The following XPR1 variants were observed in gnomAD, a reference collection of about 807,000 sequenced individuals.
XPR1 encodes the protein xenotropic and polytropic retrovirus receptor 1.
In XPR1, 28 loss-of-function variants were observed where a neutral mutation model predicts 87.5. The ratio of observed to expected loss-of-function variants is 0.32; its 90% CI spans 0.24 to 0.44. The LOEUF (loss-of-function observed/expected upper bound fraction) is 0.44. Ranked by LOEUF, XPR1 falls within the 20% of genes least tolerant of loss-of-function variation. The pLI, the probability that XPR1 is intolerant of heterozygous loss-of-function variation, is 1.00. For missense variants in XPR1, 559 were observed against 862.3 expected, an observed-to-expected ratio of 0.65 and a Z score of 4.41; for synonymous variants, 300 against 306.1, an observed-to-expected ratio of 0.98 and a Z score of 0.21.
intron 14 of XPR1, among the ~76,000 whole-genome samples, 176 bp downstream of exon 14, chr1:180,880,473 C>T (rs1652816988): frequency 6.6e-6 from 1 of 152,196 alleles, no homozygotes. Flanking sequence ...CTATGACTGT[C>T]TAAATGAGCA....
chr1:180,797,006 G>T (rs940097791), intron 3 of XPR1, among the ~76,000 whole-genome samples: 1 of 152,104 alleles, frequency 6.6e-6, no homozygotes, highest in Non-Finnish European at 1.5e-5. Context: ...CCTGGGGTAG[G>T]GGGTGGAAGT....
intron 9 of XPR1, among the ~76,000 whole-genome samples, chr1:180,834,571 C>G (rs147697568): frequency 6.6e-6 from 1 of 152,178 alleles, no homozygotes; most frequent in Non-Finnish European, 1.5e-5. Context: ...AGTGGCATCT[C>G]CCTGATCCCT....
At chr1:180,636,767 G>C (rs1654789532) in intron 1 of XPR1, among the ~76,000 whole-genome samples, 2 of 152,044 alleles carry the variant, frequency 1.3e-5, no homozygotes, top group East Asian at 3.9e-4. Context: ...AGAAAAGTAA[G>C]GGGGCTGGAC....
intron 3 of XPR1, among the ~76,000 whole-genome samples, chr1:180,800,715 T>C (rs1649749577): frequency 6.6e-6 from 1 of 152,224 alleles, no homozygotes; most frequent in Non-Finnish European, 1.5e-5. Flanking sequence ...AGTCTGGATA[T>C]TTCCTTTTCC....
intron 2 of XPR1, among the ~76,000 whole-genome samples, chr1:180,741,423 C>A (rs1658921237): frequency 6.6e-6 from 1 of 151,864 alleles, no homozygotes; most frequent in South Asian, 2.1e-4. Flanking sequence ...CCTTCGGCCT[C>A]CCAAAAGGCT....
At chr1:180,781,150 C>T (rs970896517) in intron 2 of XPR1, among the ~76,000 whole-genome samples, 6 of 151,456 alleles carry the variant, frequency 4.0e-5, no homozygotes, top group African/African-American at 1.5e-4. Flanking sequence ...TGTGACTATC[C>T]AATTGTTGGA....
chr1:180,863,205 A>T (rs1016420760), intron 11 of XPR1, among the ~76,000 whole-genome samples: 6 of 152,112 alleles, frequency 3.9e-5, no homozygotes, highest in Admixed American at 3.3e-4. Flanking sequence ...CGGGCATTTT[A>T]TCTAGACTTA....
chr1:180,783,719 A>G (rs541303843), intron 2 of XPR1, among the ~76,000 whole-genome samples: 165 of 151,878 alleles, frequency 1.1e-3, no homozygotes, highest in African/African-American at 3.8e-3. Flanking sequence ...GTACTTAACC[A>G]CTCCCCTTTT....
chr1:180,774,349 T>C (rs1236715817), intron 2 of XPR1, among the ~76,000 whole-genome samples: 1 of 150,898 alleles, frequency 6.6e-6, no homozygotes, highest in Non-Finnish European at 1.5e-5. Flanking sequence ...GATTTTTTAA[T>C]ACTTTTTTTA....
At chr1:180,765,691 G>A (rs568823574) in intron 2 of XPR1, among the ~76,000 whole-genome samples, 1 of 152,216 alleles carries the variant, frequency 6.6e-6, no homozygotes, top group East Asian at 1.9e-4. Context: ...TAAATACTAT[G>A]TAAATAGTTG....
At chr1:180,754,751 C>T (rs1257906255) in intron 2 of XPR1, among the ~76,000 whole-genome samples, 9 of 152,240 alleles carry the variant, frequency 5.9e-5, no homozygotes, top group Admixed American at 1.3e-4. Flanking sequence ...TGTGAGCCAT[C>T]GGGCCCGGCC....
chr1:180,886,970 G>C lies in XPR1; in HGVS notation c.*2904G>C, dbSNP rs746490396. On this transcript the variant is annotated 3_prime_UTR_variant, in exon 15 of 15. Transcript: ENST00000367590. ...GGGCAGATCACGAGCTCAGGAGTTC[G>C]AGACCAGCCTGACCAACATGGTGAA... is the stretch of plus-strand genomic sequence containing the variant. 2.6e-5 allele frequency: 4 copies of C among 152,246 alleles called. No individual in the cohort carries two copies. Among genetic ancestry groups the C allele is most frequent in the African/African-American group, 9.7e-5 (4 of 41,436 alleles). The allele number at this position is 152,246 out of a possible 1,614,324, so 9.4% of individuals were successfully genotyped here. A position where few individuals can be genotyped will look rare whatever the true frequency, so the allele number is the denominator to read the frequency against.
At chr1:180,730,738 A>G (rs1164774169) in intron 2 of XPR1, among the ~76,000 whole-genome samples, 1 of 152,090 alleles carries the variant, frequency 6.6e-6, no homozygotes, top group African/African-American at 2.4e-5. Context: ...ATCACAGCTC[A>G]CAGCAGCCTT....
intron 11 of XPR1, among the ~76,000 whole-genome samples, chr1:180,844,240 A>G (rs1651608185): frequency 6.6e-6 from 1 of 152,192 alleles, no homozygotes; most frequent in Non-Finnish European, 1.5e-5. Flanking sequence ...AAAATTTTTT[A>G]TACAGGAGTT....
chr1:180,842,609 G>A (rs1456815740), intron 11 of XPR1, among the ~76,000 whole-genome samples: 1 of 152,146 alleles, frequency 6.6e-6, no homozygotes. Flanking sequence ...CAAGTGTTTT[G>A]TTGGAATTGG....
chr1:180,793,246 A>G (rs945107110), intron 3 of XPR1, among the ~76,000 whole-genome samples: 2 of 152,114 alleles, frequency 1.3e-5, no homozygotes, highest in African/African-American at 2.4e-5. Context: ...CTTATTATAT[A>G]GTTATTCCTG....
At chr1:180,794,225 G>A (rs1010731932) in intron 3 of XPR1, among the ~76,000 whole-genome samples, 1 of 152,088 alleles carries the variant, frequency 6.6e-6, no homozygotes, top group Non-Finnish European at 1.5e-5. Flanking sequence ...AAACTGTCCA[G>A]CATGTTACTA....
intron 11 of XPR1, among the ~76,000 whole-genome samples, chr1:180,848,554 A>G (rs903734668): frequency 6.6e-6 from 1 of 151,992 alleles, no homozygotes; most frequent in Non-Finnish European, 1.5e-5. Context: ...TTCTTTATCC[A>G]TTTATCTGTG....
chr1:180,881,954 A>G (rs1652863319), intron 14 of XPR1, among the ~76,000 whole-genome samples: 1 of 152,240 alleles, frequency 6.6e-6, no homozygotes, highest in Admixed American at 6.5e-5. Context: ...TGTGATCCCA[A>G]GGAAGCAGAG....
Sources: allele counts gnomAD v4.1 joint callset (sites outside exome capture counted in the v4.1 genomes callset), GRCh38; gene constraint gnomAD v4.1.1; transcripts MANE v1.5; gene names NCBI Gene and HGNC (gene_info 2026-07-23, HGNC 2026-07-21).